CUX2: variants seen among roughly 807,000 people sequenced by gnomAD.
CUX2 encodes homeobox protein cut-like 2.
CUX2 carries 40 observed loss-of-function variants against 144.8 expected under a neutral mutation model. The ratio of observed to expected loss-of-function variants is 0.28; its 90% CI spans 0.21 to 0.36. CUX2 has a LOEUF of 0.36. Among genes scored for constraint, CUX2 ranks in the 10% least tolerant of loss-of-function variants. The pLI, the probability that CUX2 is intolerant of heterozygous loss-of-function variation, is 1.00. For synonymous variants in CUX2, 827 were observed against 875.6 expected (o/e 0.94, Z 0.98); for missense variants, 1,615 against 1,994.0 (o/e 0.81, Z 3.62).
chr12:111,282,376 C>G (rs1257561225), intron 4 of CUX2, among the ~76,000 whole-genome samples: 1 of 151,018 alleles, frequency 6.6e-6, no homozygotes, highest in Non-Finnish European at 1.5e-5. Context: ...CCTGTAATCC[C>G]AGCACTTTGG....
intron 1 of CUX2, among the ~76,000 whole-genome samples, chr12:111,094,954 C>A (rs917167384): frequency 6.6e-6 from 1 of 152,194 alleles, no homozygotes; most frequent in Non-Finnish European, 1.5e-5. Flanking sequence ...GGCTTAGTTA[C>A]AGAATTGTCC....
At chr12:111,345,553 C>G (rs1888762650) in intron 21 of CUX2, among the ~76,000 whole-genome samples, 1 of 150,856 alleles carries the variant, frequency 6.6e-6, no homozygotes, top group African/African-American at 2.4e-5. Flanking sequence ...ACCATCCTGG[C>G]TAACATGGTA....
chr12:111,244,591 T>C (rs1288557333), intron 3 of CUX2, among the ~76,000 whole-genome samples: 4 of 152,246 alleles, frequency 2.6e-5, no homozygotes, highest in Non-Finnish European at 1.5e-5. Flanking sequence ...GTATGAGCAG[T>C]TGGATCTAGA....
chr12:111,197,926 T>G (rs1299118784), intron 1 of CUX2, among the ~76,000 whole-genome samples: 2 of 152,360 alleles, frequency 1.3e-5, no homozygotes, highest in East Asian at 3.9e-4. Flanking sequence ...CAAGCCTGTT[T>G]GGGGGAACCC....
chr12:111,181,972 G>A (rs1410004275), intron 1 of CUX2, among the ~76,000 whole-genome samples: 1 of 152,208 alleles, frequency 6.6e-6, no homozygotes, highest in African/African-American at 2.4e-5. Context: ...GGGGGTGCAA[G>A]GACCCACTGA....
rs1464377951 is a variant in CUX2 at position 111,348,329 on chromosome 12, CAGGGTG to C, written c.*9_*14del. ...GGCCCTGGAGTGGGAGTTCTGAAGG[CAGGGTG>C]AGGGGGCAAGGGACATACCCTGGTA... On this transcript the variant is annotated 3_prime_UTR_variant, in exon 22 of 22. Transcript: ENST00000261726. 1.9e-6 allele frequency: 3 copies of C among 1,605,918 alleles called. No individual in the cohort carries two copies. In the African/African-American group the frequency reaches 4.0e-5, roughly 21 times the overall value.
At chr12:111,250,643 G>A (rs1883518074) in intron 3 of CUX2, among the ~76,000 whole-genome samples, 1 of 152,198 alleles carries the variant, frequency 6.6e-6, no homozygotes, top group Non-Finnish European at 1.5e-5. Context: ...GGTGGCAATT[G>A]TCTGTGGTTT....
intron 1 of CUX2, among the ~76,000 whole-genome samples, chr12:111,085,853 C>A (rs571344531): frequency 4.6e-5 from 7 of 152,230 alleles, no homozygotes; most frequent in Non-Finnish European, 1.0e-4. Context: ...ATCTCCCCAC[C>A]TTCCAGCAAG....
At chr12:111,306,738 A>G (rs1305575758) in intron 10 of CUX2, among the ~76,000 whole-genome samples, 183 bp from the exon 11 acceptor site, 1 of 152,188 alleles carries the variant, frequency 6.6e-6, no homozygotes. Flanking sequence ...GTAACTTAAT[A>G]CATAAGGAAA....
intron 3 of CUX2, among the ~76,000 whole-genome samples, chr12:111,229,057 G>A (rs1198245138): frequency 2.0e-5 from 3 of 152,178 alleles, no homozygotes; most frequent in Non-Finnish European, 4.4e-5. Flanking sequence ...ACAGTGCCTG[G>A]TGCAGAGAAA....
intron 1 of CUX2, among the ~76,000 whole-genome samples, chr12:111,201,083 G>GCCCCTCGTTTGAGGGCCT (rs1475033401): frequency 6.6e-6 from 1 of 152,078 alleles, no homozygotes; most frequent in Admixed American, 6.5e-5. Flanking sequence ...CACCCTGGCC[G>GCCCCTCGTTTGAGGGCCT]CCCCTCGTTT....
At chr12:111,179,647 G>GT (rs1465867494) in intron 1 of CUX2, among the ~76,000 whole-genome samples, 4 of 151,074 alleles carry the variant, frequency 2.6e-5, no homozygotes, top group Non-Finnish European at 4.4e-5. Context: ...TTAGTTTCGT[G>GT]TATGACATGA....
intron 3 of CUX2, among the ~76,000 whole-genome samples, chr12:111,240,386 G>T (rs1882964688): frequency 6.6e-6 from 1 of 152,196 alleles, no homozygotes. Context: ...CATAGACTTT[G>T]GTGGAAGGTA....
chr12:111,216,958 G>A (rs887469708), intron 2 of CUX2, among the ~76,000 whole-genome samples: 4 of 152,124 alleles, frequency 2.6e-5, no homozygotes, highest in African/African-American at 9.7e-5. Context: ...TAGTCCCTCA[G>A]TGCCTCCCAT....
At chr12:111,224,881 G>A (rs1882051079) in intron 3 of CUX2, among the ~76,000 whole-genome samples, 1 of 152,034 alleles carries the variant, frequency 6.6e-6, no homozygotes, top group Non-Finnish European at 1.5e-5. Flanking sequence ...TAACCTCTCT[G>A]GGTTTCACTT....
At chr12:111,106,142 G>T (rs1022367289) in intron 1 of CUX2, among the ~76,000 whole-genome samples, 5 of 151,500 alleles carry the variant, frequency 3.3e-5, no homozygotes, top group Admixed American at 1.3e-4. Context: ...TGGAACTGTA[G>T]GCTGGTACCA....
intron 4 of CUX2, among the ~76,000 whole-genome samples, chr12:111,275,283 A>G (rs149210249): frequency 1.1e-3 from 174 of 152,238 alleles, no homozygotes; most frequent in South Asian, 9.1e-3. Flanking sequence ...CAAGTCTGCC[A>G]CTCATCAGCT....
intron 1 of CUX2, among the ~76,000 whole-genome samples, chr12:111,172,074 T>G (rs150033648): frequency 2.0e-5 from 3 of 152,026 alleles, no homozygotes; most frequent in Non-Finnish European, 2.9e-5. Flanking sequence ...CGTGTGTGCA[T>G]GCACCTGTGC....
At position 111,140,378 on chromosome 12, in the gene CUX2, A is replaced by G. The variant is rs570898540; in HGVS notation, c.64-73822A>G. On this transcript the variant is annotated intron_variant, in intron 1 of 21. Transcript: ENST00000261726. The stretch of plus-strand genomic sequence containing the variant: ...AATACCATAGATTGAGCTAGCAGCG[A>G]AGAGATTTTCAGAGTTTTATTCTTT... 2.0e-5 allele frequency among the ~76,000 whole-genome samples: 3 copies of G among 152,294 alleles called. No homozygotes were observed. In the South Asian group the frequency reaches 6.2e-4, roughly 32 times the overall value.
Sources: gnomAD v4.1 joint callset for allele counts (sites outside exome capture counted in the v4.1 genomes callset) on GRCh38, gnomAD v4.1.1 for gene constraint, MANE v1.5 for transcripts, NCBI Gene and HGNC (gene_info 2026-07-23, HGNC 2026-07-21) for gene names.